The following WSCD1 variants were observed in gnomAD, a reference collection of about 807,000 sequenced individuals.
WSCD1 encodes WSC domain sialate O sulfotransferase 1, also known as sialate:O-sulfotransferase 1.
A neutral mutation model predicts 60.4 loss-of-function variants in WSCD1; 41 were observed. The ratio of observed to expected loss-of-function variants is 0.68; its 90% CI spans 0.53 to 0.88. The LOEUF is 0.88. WSCD1 is among the 40% of genes least tolerant of loss of function. The pLI, the probability that WSCD1 is intolerant of heterozygous loss-of-function variation, is 0.00. For synonymous variants in WSCD1, 361 were observed against 332.5 expected (o/e 1.09, Z -0.93); for missense variants, 784 against 796.2 (o/e 0.98, Z 0.18).
intron 1 of WSCD1, among the ~76,000 whole-genome samples, chr17:6,078,334 G>A (rs947933352): frequency 3.9e-5 from 6 of 152,192 alleles, no homozygotes; most frequent in Non-Finnish European, 7.3e-5. Flanking sequence ...GATCAACCCC[G>A]GGATGGTGAG....
At position 6,090,344 on chromosome 17, in the gene WSCD1, A is replaced by C; in HGVS notation, c.566A>C (p.Glu189Ala). 6.2e-7 allele frequency: 1 copy of C among 1,603,554 alleles called. No homozygotes were observed. Among genetic ancestry groups the C allele is most frequent in the Non-Finnish European group, 8.5e-7 (1 of 1,175,688 alleles). Residue 189 changes from glutamate (E) to alanine (A), a missense_variant, in exon 4 of 9, where the codon GAG (glutamate) becomes GCG (alanine). Transcript: ENST00000317744. ...AGGTCCTATGTCTACGCCGGCTTGG[A>C]GGCCGGGGCGGAGTGTTACTGCGGG... is the stretch of plus-strand genomic sequence containing the variant. The part of the protein sequence containing the change: ...AERSYVYAGL[E>A]AGAECYCGNR...
chr17:6,114,540 G>A (rs9910887), intron 7 of WSCD1, among the ~76,000 whole-genome samples: 15,677 of 151,988 alleles, frequency 0.1, 1,396 homozygotes, highest in African/African-American at 0.24. Context: ...AATGTTTGAG[G>A]CGATGGATAT....
chr17:6,111,078 G>A (rs1216242987), intron 7 of WSCD1, 143 bp downstream of exon 7: 8 of 789,022 alleles, frequency 1.0e-5, no homozygotes, highest in Non-Finnish European at 1.4e-5. Flanking sequence ...GAGCCACTGT[G>A]TGCCATACTC....
intron 5 of WSCD1, among the ~76,000 whole-genome samples, chr17:6,100,924 T>C (rs1910762631): frequency 6.6e-6 from 1 of 152,230 alleles, no homozygotes; most frequent in Non-Finnish European, 1.5e-5. Flanking sequence ...ATTGTGAGGA[T>C]GGAGAAGCAA....
At position 6,080,904 on chromosome 17, in the gene WSCD1, G is replaced by T. The variant is rs1252168286; in HGVS notation, c.246G>T (p.Leu82=). The change falls in exon 2 of 9, where the codon CTG becomes CTT. Residue 82 remains leucine, a synonymous_variant. Coordinates refer to ENST00000317744, the MANE Select transcript of WSCD1 (RefSeq NM_015253.2). This position sits in a 1 kb window ranked among gnomAD's most constrained non-coding sequence, Gnocchi z 6.6. ...LHDPRVSPEL[L]LGVDMLQSPL... is the part of the protein sequence containing the mutation. ...ACCCTCGAGTCAGCCCAGAGCTGCT[G>T]CTGGGTGTGGACATGCTGCAGAGCC... 3 of 1,598,002 alleles carry T rather than the reference G, an allele frequency of 1.9e-6. No homozygotes were observed. Among genetic ancestry groups the T allele is most frequent in the Non-Finnish European group, 1.7e-6 (2 of 1,176,522 alleles).
chr17:6,111,553 T>C lies in WSCD1; in HGVS notation c.1174+618T>C, dbSNP rs567607672. Among the ~76,000 whole-genome samples the C allele has an allele frequency of 3.9e-5, 6 of 151,924 alleles. No homozygotes were observed. In the East Asian group the frequency reaches 1.2e-3, roughly 29 times the overall value. The stretch of plus-strand genomic sequence containing the variant: ...TCATTTCTACTAAAAATACAAAAAT[T>C]AGCTGGGCGCGGTGGTAGGCGCCTG... On this transcript the variant is annotated intron_variant, in intron 7 of 8. Coordinates refer to ENST00000317744, the MANE Select transcript of WSCD1 (RefSeq NM_015253.2).
rs762766348 is a variant in WSCD1 at position 6,118,014 on chromosome 17, C to T, written c.1201C>T (p.Arg401Trp). Residue 401 changes from arginine (R) to tryptophan (W), a missense_variant, in exon 8 of 9, where the codon CGG becomes TGG. By Grantham distance (101) the Arg-to-Trp change is moderately radical. Transcript: ENST00000317744. This position sits in a 1 kb window ranked among gnomAD's most constrained non-coding sequence, Gnocchi z 5.8. ...GTTCAAGGGCGAAAAGGACCACTGGCGGAGCCGACGCACCATCTGTGTCAA... is the reference window on the plus strand; with the variant it reads ...GTTCAAGGGCGAAAAGGACCACTGGTGGAGCCGACGCACCATCTGTGTCAA... The part of the protein sequence containing the change: ...KGFKGEKDHW[R>W]SRRTICVKTH... 16 of 1,613,880 alleles carry T rather than the reference C, an allele frequency of 9.9e-6. No homozygotes were observed. Among genetic ancestry groups the T allele is most frequent in the Middle Eastern group, 1.7e-4 (1 of 5,954 alleles).
intron 3 of WSCD1, 100 bp from the exon 4 acceptor site, chr17:6,090,220 AC>A: frequency 8.1e-7 from 1 of 1,239,718 alleles, no homozygotes; most frequent in Non-Finnish European, 1.1e-6. Flanking sequence ...CAAAAAAAAA[AC>A]ATACTTTCTA....
rs1430077438 is a variant in WSCD1 at position 6,075,484 on chromosome 17, T to A, written c.-289+4832T>A. The stretch of plus-strand genomic sequence containing the variant: ...CCTGACCAGCCCAAGCCACCCATCA[T>A]TCAGGCTGGGCAGTTGCTGCTCCCT... On this transcript the variant is annotated intron_variant, in intron 1 of 8. Coordinates refer to ENST00000317744, the MANE Select transcript of WSCD1 (RefSeq NM_015253.2). This position sits in a 1 kb window ranked among gnomAD's most constrained non-coding sequence, Gnocchi z 4.1. 1.3e-5 allele frequency among the ~76,000 whole-genome samples: 2 copies of A among 152,146 alleles called. No individual in the cohort carries two copies. Among genetic ancestry groups the A allele is most frequent in the East Asian group, 3.9e-4 (2 of 5,178 alleles).
chr17:6,090,494 G>T lies in WSCD1; in HGVS notation c.716G>T (p.Gly239Val). The part of the protein sequence containing the change: ...SVYRVDELQP[G>V]SRKRRTATYR... ...TACCGTGTGGACGAGCTGCAGCCGG[G>T]CTCCAGGAAGCGTGAGTGTGCCAGC... The change falls in exon 4 of 9, where the codon GGC becomes GTC. Residue 239 changes from glycine to valine, a missense_variant. Physicochemically the swap from Gly to Val is moderately radical, Grantham distance 109. Transcript: ENST00000317744. 6.2e-7 allele frequency: 1 copy of T among 1,612,494 alleles called. No individual in the cohort carries two copies. The highest frequency in any genetic ancestry group is 8.5e-7 in the Non-Finnish European group (1 of 1,179,394).
chr17:6,082,047 G>A (rs566086784), intron 2 of WSCD1: 1 of 152,234 alleles, frequency 6.6e-6, no homozygotes, highest in Non-Finnish European at 1.5e-5. Flanking sequence ...CTAACTGGCA[G>A]CTATTATGAC....
chr17:6,079,350 TAAGGGCTTTGCTCACGC>T (rs766961185), intron 1 of WSCD1, among the ~76,000 whole-genome samples: 10 of 152,184 alleles, frequency 6.6e-5, no homozygotes, highest in Non-Finnish European at 1.3e-4. Context: ...GTCCTTGTGC[TAAGGGCTTTGCTCACGC>T]AACAGCCCAG....
intron 4 of WSCD1, among the ~76,000 whole-genome samples, chr17:6,091,892 C>T (rs1305955596): frequency 6.6e-6 from 1 of 152,172 alleles, no homozygotes; most frequent in African/African-American, 2.4e-5. Context: ...CGCGGTGGCT[C>T]ACGCCTGTAA....
chr17:6,080,970 C>A lies in WSCD1; in HGVS notation c.312C>A (p.Ser104Arg), dbSNP rs576400728. 5.1e-6 allele frequency: 8 copies of A among 1,553,462 alleles called. No individual in the cohort carries two copies. In the South Asian group the frequency reaches 8.3e-5, roughly 16 times the overall value. The change falls in exon 2 of 9, where the codon AGC (serine) becomes AGA (arginine). Residue 104 changes from serine (S) to arginine (R), a missense_variant. By Grantham distance (110) the Ser-to-Arg change is moderately radical. Transcript: ENST00000317744. The surrounding 1 kb of genome is among the most constrained non-coding windows in gnomAD (Gnocchi z 6.6). Reference sequence around the variant, plus strand: ...GGCCCGGCCCCCGCTGGCTCCGGAGCCGCAACTCGGAGCTGCGTCAGTTGC... The same window carrying A: ...GGCCCGGCCCCCGCTGGCTCCGGAGACGCAACTCGGAGCTGCGTCAGTTGC... ...RPRPGPRWLRSRNSELRQLRR... is the reference protein window; with the variant it reads ...RPRPGPRWLRRRNSELRQLRR...
chr17:6,086,358 CAG>C (rs1176708599), intron 2 of WSCD1, among the ~76,000 whole-genome samples: 4 of 150,250 alleles, frequency 2.7e-5, no homozygotes, highest in African/African-American at 9.8e-5. Context: ...TATATTCAGA[CAG>C]AGTCTTGCTC....
chr17:6,084,103 C>T (rs1000693759), intron 2 of WSCD1, among the ~76,000 whole-genome samples: 17 of 152,294 alleles, frequency 1.1e-4, no homozygotes, highest in African/African-American at 3.4e-4. Context: ...CTGGCTGCCT[C>T]CCCAGTGGCT....
intron 7 of WSCD1, among the ~76,000 whole-genome samples, chr17:6,113,790 A>T (rs1267048636): frequency 6.6e-6 from 1 of 152,216 alleles, no homozygotes; most frequent in Non-Finnish European, 1.5e-5. Context: ...CCACAATGAG[A>T]TATCATCTCG....
At chr17:6,095,481 G>A (rs1326526522) in intron 5 of WSCD1, among the ~76,000 whole-genome samples, 1 of 152,242 alleles carries the variant, frequency 6.6e-6, no homozygotes, top group Non-Finnish European at 1.5e-5. Context: ...GTGCCTTTCT[G>A]GATGCGAACT....
chr17:6,120,370 C>G lies in WSCD1; in HGVS notation c.1437C>G (p.Leu479=), dbSNP rs1258559419. 8 of 1,614,138 alleles carry G rather than the reference C, an allele frequency of 5.0e-6. No individual in the cohort carries two copies. The highest frequency in any genetic ancestry group is 5.9e-6 in the Non-Finnish European group (7 of 1,180,040). The change falls in exon 9 of 9, where the codon CTC becomes CTG. Residue 479 remains leucine, a synonymous_variant. Coordinates refer to ENST00000317744, the MANE Select transcript of WSCD1 (RefSeq NM_015253.2). ...SWWSSHVLDW[L]KYGKRLLVVH... is the part of the protein sequence containing the mutation. The stretch of plus-strand genomic sequence containing the variant: ...GGTCCTCGCACGTCCTGGACTGGCT[C>G]AAGTACGGGAAGCGGCTGCTGGTGG...
Sources: allele counts gnomAD v4.1 joint callset (sites outside exome capture counted in the v4.1 genomes callset), GRCh38; gene constraint gnomAD v4.1.1; non-coding constraint Gnocchi (gnomAD v3.1); transcripts MANE v1.5; gene names NCBI Gene and HGNC (gene_info 2026-07-23, HGNC 2026-07-21).